NUP43: variants seen among roughly 807,000 people sequenced by gnomAD.
NUP43 encodes the protein nucleoporin Nup43.
A neutral mutation model predicts 47.3 loss-of-function variants in NUP43; 32 were observed. The observed-to-expected ratio is 0.68, with a 90% CI of 0.51 to 0.91. NUP43 has a LOEUF of 0.91. NUP43 is among the 40% of genes least tolerant of loss of function. NUP43 has a pLI of 0.00. For synonymous variants in NUP43, 147 were observed against 158.4 expected (o/e 0.93, Z 0.54); for missense variants, 444 against 453.9 (o/e 0.98, Z 0.20).
Position 149,736,542 on chromosome 6 carries a change from C to G in NUP43, c.719G>C (p.Gly240Ala). 6.2e-7 allele frequency: 1 copy of G among 1,612,012 alleles called. No homozygotes were observed. The highest frequency in any genetic ancestry group is 8.5e-7 in the Non-Finnish European group (1 of 1,178,236). The change falls in exon 6 of 8, where the codon GGA (glycine) becomes GCA (alanine). Residue 240 changes from glycine to alanine, a missense_variant. Physicochemically the swap from Gly to Ala is moderately conservative, Grantham distance 60. Coordinates refer to ENST00000340413, the MANE Select transcript of NUP43 (RefSeq NM_198887.3). Reference sequence around the variant, plus strand: ...TCTAACATCCCAAATACTCAACATTCCATCTTGGCCACCAGTAGCTACAAC... The same window carrying G: ...TCTAACATCCCAAATACTCAACATTGCATCTTGGCCACCAGTAGCTACAAC... Reference protein sequence around the residue: ...QHVVATGGQDGMLSIWDVRQG... With the variant: ...QHVVATGGQDAMLSIWDVRQG...
chr6:149,726,834 G>A lies in NUP43; in HGVS notation c.*135C>T. ...TCAGGCTAACAAAAGTCAAAACTGGGCATTGACATTAATGGTAGTTTACTG... is the reference window on the plus strand; with the variant it reads ...TCAGGCTAACAAAAGTCAAAACTGGACATTGACATTAATGGTAGTTTACTG... On this transcript the variant is annotated 3_prime_UTR_variant, in exon 8 of 8. Coordinates refer to ENST00000340413, the MANE Select transcript of NUP43 (RefSeq NM_198887.3). 1 of 669,116 alleles carries A rather than the reference G, an allele frequency of 1.5e-6. No homozygotes were observed. Among genetic ancestry groups the A allele is most frequent in the Non-Finnish European group, 2.6e-6 (1 of 383,338 alleles). 41.4% of individuals were successfully genotyped at this position (669,116 alleles called of 1,614,324 possible).
intron 7 of NUP43, chr6:149,727,790 AGC>A (rs998909683): frequency 2.0e-6 from 2 of 984,068 alleles, no homozygotes; most frequent in Non-Finnish European, 2.4e-6. Flanking sequence ...TATCTCTAAC[AGC>A]GCACTGTACT....
Position 149,726,889 on chromosome 6 carries a change from G to T in NUP43, c.*80C>A. The T allele has an allele frequency of 1.9e-6, 2 of 1,032,316 alleles. No individual in the cohort carries two copies. The highest frequency in any genetic ancestry group is 2.9e-6 in the Non-Finnish European group (2 of 680,206). 63.9% of individuals were successfully genotyped at this position (1,032,316 alleles called of 1,614,324 possible). ...TTCCCCTGCAAATCTCGTATTTTCT[G>T]ATACTAAAATTTTGCACAGAAGTTG... On this transcript the variant is annotated 3_prime_UTR_variant, in exon 8 of 8. Coordinates refer to ENST00000340413, the MANE Select transcript of NUP43 (RefSeq NM_198887.3).
At chr6:149,736,324 A>T in intron 6 of NUP43, 147 bp downstream of exon 6, 2 of 527,948 alleles carry the variant, frequency 3.8e-6, no homozygotes, top group Non-Finnish European at 6.1e-6. Context: ...TCGAGTAAAA[A>T]GAAATTACAT....
chr6:149,734,357 T>C (rs1363335684), intron 6 of NUP43, among the ~76,000 whole-genome samples: 1 of 150,076 alleles, frequency 6.7e-6, no homozygotes. Context: ...ATTAGCCGGG[T>C]GTAGTAGGGG....
intron 3 of NUP43, 149 bp from the exon 4 acceptor site, chr6:149,742,719 A>G (rs1190985317): frequency 1.7e-6 from 1 of 591,398 alleles, no homozygotes; most frequent in African/African-American, 1.8e-5. Context: ...TCTAGAAACT[A>G]CTGCCATCAA....
At chr6:149,744,253 C>T (rs945724975) in intron 2 of NUP43, among the ~76,000 whole-genome samples, 30 of 152,066 alleles carry the variant, frequency 2.0e-4, no homozygotes, top group Non-Finnish European at 4.4e-5. Flanking sequence ...AAGCCAGGCA[C>T]GGTGGCTGAC....
rs908315286 is a variant in NUP43, at chr6:149,733,063, C to T, written c.791-1328G>A. Among the ~76,000 whole-genome samples, 10 of 151,742 alleles carry T rather than the reference C, an allele frequency of 6.6e-5. 1 individual carries two copies. The highest frequency in any genetic ancestry group is 6.2e-4 in the South Asian group (3 of 4,816). On this transcript the variant is annotated intron_variant, in intron 6 of 7. Transcript: ENST00000340413. ...CCCAGCTAGGAATGACTGTCTTTTA[C>T]GGAAAAGTTTTTTTTTAAATTGGTA...
intron 2 of NUP43, among the ~76,000 whole-genome samples, chr6:149,745,436 C>G (rs1373426864): frequency 1.3e-5 from 2 of 151,908 alleles, no homozygotes; most frequent in African/African-American, 4.8e-5. Flanking sequence ...AATTTCATCC[C>G]CACCACTCAT....
intron 1 of NUP43, 42 bp downstream of exon 1, chr6:149,746,334 G>C: frequency 6.2e-7 from 1 of 1,605,806 alleles, no homozygotes; most frequent in South Asian, 1.1e-5. Flanking sequence ...CTCAACCGGA[G>C]AGAGGGAGGA....
At chr6:149,737,911 G>C (rs758859530) in intron 5 of NUP43, among the ~76,000 whole-genome samples, 1 of 152,042 alleles carries the variant, frequency 6.6e-6, no homozygotes, top group Non-Finnish European at 1.5e-5. Flanking sequence ...GGCTGGTATT[G>C]AACTCCTGAC....
Position 149,727,148 on chromosome 6 carries a change from C to T in NUP43, c.964G>A (p.Val322Ile), listed in dbSNP as rs1166997685. ...LSHSISNQAN[V>I]HQSVISSWLS... is the part of the protein sequence containing the mutation. ...CAGGAGCTAATGACAGACTGGTGAACATTAGCTTGGTTACTAATGCTATGA... is the reference window on the plus strand; with the variant it reads ...CAGGAGCTAATGACAGACTGGTGAATATTAGCTTGGTTACTAATGCTATGA... Residue 322 changes from valine (V) to isoleucine (I), a missense_variant, in exon 8 of 8, where the codon GTT becomes ATT. Physicochemically the swap from Val to Ile is conservative, Grantham distance 29 (BLOSUM62 3). Coordinates refer to ENST00000340413, the MANE Select transcript of NUP43 (RefSeq NM_198887.3). 6.8e-5 allele frequency: 109 copies of T among 1,613,934 alleles called. No individual in the cohort carries two copies. The highest frequency in any genetic ancestry group is 8.2e-5 in the Non-Finnish European group (97 of 1,180,012).
chr6:149,730,006 A>C (rs1582959136), intron 7 of NUP43, among the ~76,000 whole-genome samples: 1 of 150,216 alleles, frequency 6.7e-6, no homozygotes, highest in African/African-American at 2.4e-5. Context: ...TGAGGAAAGC[A>C]CGCCCTTTTT....
chr6:149,730,275 C>CT, intron 7 of NUP43, among the ~76,000 whole-genome samples: 1 of 152,210 alleles, frequency 6.6e-6, no homozygotes. Context: ...TCCCAAAGTG[C>CT]TGGGATTACA....
chr6:149,738,514 C>A, intron 5 of NUP43, 129 bp downstream of exon 5: 1 of 603,940 alleles, frequency 1.7e-6, no homozygotes. Context: ...CTTGCTCTAC[C>A]AAATTTTAAT....
chr6:149,740,288 A>AAG (rs1785578365), intron 4 of NUP43, among the ~76,000 whole-genome samples: 1 of 150,462 alleles, frequency 6.6e-6, no homozygotes, highest in South Asian at 2.1e-4. Flanking sequence ...AAAAAAAAAA[A>AAG]AAAAAAAAAA....
In NUP43 at chr6:149,731,723, T is replaced by C; in HGVS notation, c.803A>G (p.His268Arg). The C allele has an allele frequency of 6.2e-7, 1 of 1,613,794 alleles. No individual in the cohort carries two copies. The highest frequency in any genetic ancestry group is 8.5e-7 in the Non-Finnish European group (1 of 1,179,844). ...ATGTTCTGGGTTGGATGGGTGAAAG[T>C]GAACTTCCCACACTAAGAGACAAGA... is the stretch of plus-strand genomic sequence containing the variant. ...KAHEAEMWEV[H>R]FHPSNPEHLF... The change falls in exon 7 of 8, where the codon CAC (histidine) becomes CGC (arginine). Residue 268 changes from histidine (H) to arginine (R), a missense_variant. Transcript: ENST00000340413.
At chr6:149,744,970 C>T (rs1189937454) in intron 2 of NUP43, among the ~76,000 whole-genome samples, 2 of 150,398 alleles carry the variant, frequency 1.3e-5, no homozygotes, top group African/African-American at 4.9e-5. Context: ...GGCGCACTCT[C>T]GGCTCACTGC....
chr6:149,744,419 G>A (rs2115158838), intron 2 of NUP43, among the ~76,000 whole-genome samples: 1 of 151,582 alleles, frequency 6.6e-6, no homozygotes, highest in African/African-American at 2.4e-5. Context: ...AGCTACTCAG[G>A]AGGCTGAGGC....
Sources: gnomAD v4.1 joint callset for allele counts (sites outside exome capture counted in the v4.1 genomes callset) on GRCh38, gnomAD v4.1.1 for gene constraint, MANE v1.5 for transcripts, NCBI Gene and HGNC (gene_info 2026-07-23, HGNC 2026-07-21) for gene names.